ACSF3: variants seen among roughly 807,000 people sequenced by gnomAD.
The protein encoded by ACSF3 is acyl-CoA synthetase family member 3, also known as malonate--CoA ligase ACSF3, mitochondrial.
A neutral mutation model predicts 53.2 loss-of-function variants in ACSF3; 78 were observed. That is an observed-to-expected ratio of 1.47 (90% confidence interval 1.22 to 1.77). ACSF3 has a LOEUF of 1.77. Among genes scored for constraint, ACSF3 ranks in the 40% most tolerant of loss-of-function variants. The probability of loss-of-function intolerance (pLI) is 0.00; values close to 1 mark genes in which losing one functional copy is unlikely to be tolerated. For missense variants in ACSF3, 937 were observed against 771.1 expected (o/e 1.22, Z -2.55); for synonymous variants, 414 against 333.1 (o/e 1.24, Z -2.65).
rs147407570 is a variant in ACSF3 at position 89,115,852 on chromosome 16, T to G, written c.1126+1365T>G. Among the ~76,000 whole-genome samples, 15 of 152,328 alleles carry G rather than the reference T, an allele frequency of 9.8e-5. No individual in the cohort carries two copies. The East Asian group carries it at 1.5e-3, about 16-fold the overall frequency. On this transcript the variant is annotated intron_variant, in intron 6 of 10. Transcript: ENST00000614302. ...TCATTCCGTTTTCAACTGGGGCCTT[T>G]GTTTTCTTGAGTTTTGAGAGCTTTT...
chr16:89,142,532 GACACACCCACACCT>G (rs1428359198), intron 8 of ACSF3, among the ~76,000 whole-genome samples: 21 of 81,362 alleles, frequency 2.6e-4, no homozygotes, highest in African/African-American at 1.3e-3. Context: ...CACACCTGCA[GACACACCCACACCT>G]GCAGACACAC....
At chr16:89,145,116 C>T (rs1266993936) in intron 8 of ACSF3, 151 bp from the exon 9 acceptor site, 36 of 1,588,474 alleles carry the variant, frequency 2.3e-5, no homozygotes, top group South Asian at 1.8e-4. Context: ...GCTGTTTCTC[C>T]GTTGGGGTTG....
intron 1 of ACSF3, 96 bp from the exon 2 acceptor site, chr16:89,098,495 A>C: frequency 2.7e-6 from 1 of 365,474 alleles, no homozygotes; most frequent in Non-Finnish European, 5.5e-6. Flanking sequence ...CTTGTAAATG[A>C]ACATGCTTCC....
intron 10 of ACSF3, chr16:89,149,556 G>C (rs768948307): frequency 1.3e-5 from 2 of 152,192 alleles, no homozygotes; most frequent in Admixed American, 6.5e-5. Context: ...TGCATTCATC[G>C]GTTCCCAAGT....
chr16:89,120,949 G>T (rs376514373), intron 7 of ACSF3, 36 bp downstream of exon 7: 1 of 1,593,390 alleles, frequency 6.3e-7, no homozygotes, highest in Non-Finnish European at 8.6e-7. Context: ...GGGCGGCCGT[G>T]TGTCCAGTCT....
intron 9 of ACSF3, 145 bp from the exon 10 acceptor site, chr16:89,145,793 G>T: frequency 1.3e-6 from 1 of 797,152 alleles, no homozygotes; most frequent in Non-Finnish European, 2.2e-6. Context: ...GCCAGCACCA[G>T]GACGAGTGAT....
chr16:89,141,438 C>A (rs1911743195), intron 8 of ACSF3, among the ~76,000 whole-genome samples: 1 of 152,196 alleles, frequency 6.6e-6, no homozygotes, highest in African/African-American at 2.4e-5. Flanking sequence ...GGTGGGGGTG[C>A]CCAGGCCTTG....
chr16:89,099,053 C>T (rs1458769669), intron 2 of ACSF3, among the ~76,000 whole-genome samples: 2 of 152,258 alleles, frequency 1.3e-5, no homozygotes, highest in Non-Finnish European at 2.9e-5. Context: ...GGAAGGGAGG[C>T]AGACCAGCCT....
chr16:89,141,052 A>T, intron 8 of ACSF3: 1 of 1,261,406 alleles, frequency 7.9e-7, no homozygotes, highest in Non-Finnish European at 1.0e-6. Context: ...AACTTGTTTG[A>T]CTTGCATTTC....
intron 4 of ACSF3, among the ~76,000 whole-genome samples, chr16:89,107,610 T>C (rs1480796639): frequency 1.3e-5 from 2 of 152,374 alleles, no homozygotes; most frequent in Admixed American, 1.3e-4. Context: ...AGTGCGCTTA[T>C]CCATTCTGCT....
rs868310752 is a variant in ACSF3 at position 89,133,007 on chromosome 16, G to C, written c.1240-129G>C. On this transcript the variant is annotated intron_variant, in intron 7 of 10. Transcript: ENST00000614302. Reference sequence around the variant, plus strand: ...CGTTTTCCAAGCATTCCAACAAAGCGCTCAGTTTCAGAAAGCACGCGGCCC... The same window carrying C: ...CGTTTTCCAAGCATTCCAACAAAGCCCTCAGTTTCAGAAAGCACGCGGCCC... 4 of 1,342,434 alleles carry C rather than the reference G, an allele frequency of 3.0e-6. No homozygotes were observed. The South Asian group carries it at 4.7e-5, about 16-fold the overall frequency. The allele number at this position is 1,342,434 out of a possible 1,614,324, so 83.2% of individuals were successfully genotyped here.
intron 5 of ACSF3, 181 bp from the exon 6 acceptor site, chr16:89,114,158 T>C: frequency 1.3e-6 from 1 of 753,636 alleles, no homozygotes; most frequent in Non-Finnish European, 2.3e-6. Context: ...TAGCGCAGAC[T>C]GCAGCGTTGG....
chr16:89,120,371 G>A (rs1396272093), intron 6 of ACSF3, among the ~76,000 whole-genome samples: 32 of 152,208 alleles, frequency 2.1e-4, no homozygotes, highest in Admixed American at 1.8e-3. Flanking sequence ...TCCCCTCATC[G>A]TGGACAGCCC....
intron 8 of ACSF3, among the ~76,000 whole-genome samples, chr16:89,133,715 C>T (rs1006580405): frequency 6.6e-6 from 1 of 152,264 alleles, no homozygotes; most frequent in African/African-American, 2.4e-5. Context: ...ACATCCTTCT[C>T]CCCACCAGAG....
At chr16:89,112,513 A>T (rs111697031) in intron 5 of ACSF3, among the ~76,000 whole-genome samples, 2 of 150,098 alleles carry the variant, frequency 1.3e-5, no homozygotes, top group African/African-American at 4.9e-5. Context: ...CTGTCTCTCT[A>T]TCTCTCTCTG....
At chr16:89,120,341 G>A (rs557263363) in intron 6 of ACSF3, among the ~76,000 whole-genome samples, 24 of 152,330 alleles carry the variant, frequency 1.6e-4, no homozygotes, top group South Asian at 4.1e-4. Flanking sequence ...TTAGCCCGTC[G>A]TGTGCCGGGC....
chr16:89,121,012 C>T (rs1281991388), intron 7 of ACSF3, 99 bp downstream of exon 7: 1 of 1,108,434 alleles, frequency 9.0e-7, no homozygotes, highest in Non-Finnish European at 1.3e-6. Flanking sequence ...GGCAGACTCC[C>T]CTCCACGCAG....
rs1914613791 is a variant in ACSF3, at chr16:89,155,416, G to C, written c.*1209G>C. On this transcript the variant is annotated 3_prime_UTR_variant, in exon 11 of 11. Transcript: ENST00000614302. ...ACATGCCTCGCGGACAGTTGGACGT[G>C]GCCTGGGGCCCCTGCTCACTTGAGC... The C allele has an allele frequency of 2.2e-6, 1 of 453,924 alleles. No individual in the cohort carries two copies. Among genetic ancestry groups the C allele is most frequent in the South Asian group, 1.6e-5 (1 of 64,480 alleles). The allele number at this position is 453,924 out of a possible 1,614,324, so 28.1% of individuals were successfully genotyped here. A position where few individuals can be genotyped will look rare whatever the true frequency, so the allele number is the denominator to read the frequency against.
intron 9 of ACSF3, 110 bp from the exon 10 acceptor site, chr16:89,145,828 G>C (rs1025232063): frequency 8.3e-6 from 8 of 964,072 alleles, no homozygotes; most frequent in Non-Finnish European, 1.4e-5. Flanking sequence ...TCCAAGGACG[G>C]GCTCCAGGGC....
Sources: gnomAD v4.1 joint callset for allele counts (sites outside exome capture counted in the v4.1 genomes callset) on GRCh38, gnomAD v4.1.1 for gene constraint, MANE v1.5 for transcripts, NCBI Gene and HGNC (gene_info 2026-07-23, HGNC 2026-07-21) for gene names.